CELF2: variants seen among roughly 807,000 people sequenced by gnomAD.
CELF2 encodes CUG triplet repeat RNA-binding protein 2.
A neutral mutation model predicts 62.6 loss-of-function variants in CELF2; 8 were observed. The ratio of observed to expected loss-of-function variants is 0.13; its 90% CI spans 0.07 to 0.23. The LOEUF is 0.23. Ranked by LOEUF, CELF2 falls within the 10% of genes least tolerant of loss-of-function variation. The probability of loss-of-function intolerance (pLI) is 1.00; values close to 1 mark genes in which losing one functional copy is unlikely to be tolerated. For synonymous variants in CELF2, 258 were observed against 250.0 expected, an observed-to-expected ratio of 1.03 and a Z score of -0.30; for missense variants, 333 against 671.0, an observed-to-expected ratio of 0.50 and a Z score of 5.56.
intron 1 of CELF2, chr10:11,018,660 G>T (rs1593232444): frequency 6.5e-6 from 1 of 153,504 alleles, no homozygotes; most frequent in South Asian, 1.9e-4. Context: ...TCCGGGTGAG[G>T]ACTGAGCGGA....
chr10:10,969,635 A>G (rs2050542036), intron 2 of CELF2, among the ~76,000 whole-genome samples: 1 of 151,774 alleles, frequency 6.6e-6, no homozygotes, highest in Non-Finnish European at 1.5e-5. Flanking sequence ...CACACTTATT[A>G]TTCAGGCACT....
chr10:10,668,008 C>A, the CELF2 span, among the ~76,000 whole-genome samples: 2 of 152,294 alleles, frequency 1.3e-5, no homozygotes, highest in South Asian at 4.1e-4. Context: ...CTGTAGTCTT[C>A]TCTACCATTA....
the CELF2 span, among the ~76,000 whole-genome samples, chr10:10,539,031 A>C: frequency 6.6e-6 from 1 of 152,264 alleles, no homozygotes; most frequent in African/African-American, 2.4e-5. Context: ...GGCTGCCCAC[A>C]GAAGAAACAT....
the CELF2 span, among the ~76,000 whole-genome samples, chr10:10,674,430 T>C: frequency 6.6e-6 from 1 of 152,224 alleles, no homozygotes; most frequent in African/African-American, 2.4e-5. Context: ...GTGAGATTCT[T>C]GTAGAAAACA....
chr10:11,154,556 C>T (rs776832056), intron 1 of CELF2, among the ~76,000 whole-genome samples: 8 of 152,164 alleles, frequency 5.3e-5, no homozygotes, highest in South Asian at 2.1e-4. Context: ...GTCAGAGAGG[C>T]GCACGTTTGA....
chr10:11,013,711 C>A (rs148274115), upstream of CELF2, among the ~76,000 whole-genome samples: 1 of 152,092 alleles, frequency 6.6e-6, no homozygotes, highest in African/African-American at 2.4e-5. This position sits in a 1 kb window ranked among gnomAD's most constrained non-coding sequence, Gnocchi z 4.1. Context: ...TTACTTAAAT[C>A]GCCTTAGAAA....
chr10:11,035,581 C>T (rs2060816600), intron 1 of CELF2, among the ~76,000 whole-genome samples: 1 of 152,202 alleles, frequency 6.6e-6, no homozygotes, highest in Non-Finnish European at 1.5e-5. Context: ...GATTTAATGG[C>T]CCTGGGGTGC....
the CELF2 span, among the ~76,000 whole-genome samples, chr10:10,701,766 C>T: frequency 1.3e-5 from 2 of 152,198 alleles, no homozygotes; most frequent in Non-Finnish European, 2.9e-5. Context: ...GGGAGAACCA[C>T]GTCCCATTTT....
At chr10:11,061,546 TGAAAC>T in intron 1 of CELF2, among the ~76,000 whole-genome samples, 1 of 152,234 alleles carries the variant, frequency 6.6e-6, no homozygotes, top group East Asian at 1.9e-4. Context: ...TCAAGGTAAA[TGAAAC>T]AGCCTGCTAT....
rs1331836671 is a variant in CELF2, at chr10:11,243,557, G to C, written c.355-5596G>C. On this transcript the variant is annotated intron_variant, in intron 3 of 12. Coordinates refer to ENST00000633077, the MANE Select transcript of CELF2 (RefSeq NM_001326342.2). The surrounding 1 kb of genome is among the most constrained non-coding windows in gnomAD (Gnocchi z 4.1). Reference sequence around the variant, plus strand: ...ACAAGCATGCTGCGGCCTTGCGTGAGAGGACCAGAGATCTCCTGTCGTCTT... The same window carrying C: ...ACAAGCATGCTGCGGCCTTGCGTGACAGGACCAGAGATCTCCTGTCGTCTT... 2.0e-5 allele frequency among the ~76,000 whole-genome samples: 3 copies of C among 152,220 alleles called. No homozygotes were observed. Among genetic ancestry groups the C allele is most frequent in the Non-Finnish European group, 4.4e-5 (3 of 68,040 alleles).
At chr10:11,307,599 C>T (rs77694559) in intron 9 of CELF2, among the ~76,000 whole-genome samples, 4,206 of 152,208 alleles carry the variant, frequency 0.028, 188 homozygotes, top group African/African-American at 0.096. Context: ...TACAATAACC[C>T]GGTGAATTCA....
the CELF2 span, among the ~76,000 whole-genome samples, chr10:10,502,678 C>A: frequency 6.6e-6 from 1 of 151,750 alleles, no homozygotes; most frequent in African/African-American, 2.4e-5. Flanking sequence ...GTCAGTCTTG[C>A]TAGATGCTTG....
Position 11,207,821 on chromosome 10 carries a change from G to C in CELF2, c.272-9604G>C, listed in dbSNP as rs1029043898. ...ATTGGATACGGTTTCCTTAAAAGTAGATTTCTACAGGATGAGGCGTTCGTA... is the reference window on the plus strand; with the variant it reads ...ATTGGATACGGTTTCCTTAAAAGTACATTTCTACAGGATGAGGCGTTCGTA... On this transcript the variant is annotated intron_variant, in intron 2 of 12. Coordinates refer to ENST00000633077, the MANE Select transcript of CELF2 (RefSeq NM_001326342.2). This position sits in a 1 kb window ranked among gnomAD's most constrained non-coding sequence, Gnocchi z 4.1. 6.6e-6 allele frequency among the ~76,000 whole-genome samples: 1 copy of C among 152,338 alleles called. No homozygotes were observed. The highest frequency in any genetic ancestry group is 2.4e-5 in the African/African-American group (1 of 41,576).
At chr10:10,903,732 G>T (rs796874413) in intron 1 of CELF2, among the ~76,000 whole-genome samples, 21 of 152,296 alleles carry the variant, frequency 1.4e-4, no homozygotes, top group African/African-American at 4.6e-4. Flanking sequence ...ATTTCCTCCT[G>T]GTGGTGAGTG....
intron 1 of CELF2, among the ~76,000 whole-genome samples, chr10:11,126,624 G>A (rs1206451194): frequency 6.6e-6 from 1 of 152,158 alleles, no homozygotes; most frequent in African/African-American, 2.4e-5. Flanking sequence ...GCAGAGCTGT[G>A]TCCAAATCAG....
intron 2 of CELF2, among the ~76,000 whole-genome samples, chr10:11,188,054 T>C (rs576415576): frequency 1.3e-5 from 2 of 152,340 alleles, no homozygotes; most frequent in East Asian, 3.9e-4. Context: ...ACCTTTTGTG[T>C]GTCTTTCACC....
chr10:11,116,978 C>A (rs910453313), intron 1 of CELF2, among the ~76,000 whole-genome samples: 5 of 152,116 alleles, frequency 3.3e-5, no homozygotes, highest in East Asian at 1.9e-4. Flanking sequence ...CTCTTTTTAG[C>A]GATAAGGAAA....
chr10:10,797,994 G>A (rs376775090), upstream of CELF2, among the ~76,000 whole-genome samples: 15 of 152,122 alleles, frequency 9.9e-5, no homozygotes, highest in South Asian at 1.5e-3. Flanking sequence ...GGTGGGGGGC[G>A]AGTAGGGGGT....
At chr10:11,289,879 T>C (rs1326803896) in intron 9 of CELF2, among the ~76,000 whole-genome samples, 1 of 152,160 alleles carries the variant, frequency 6.6e-6, no homozygotes, top group Non-Finnish European at 1.5e-5. Flanking sequence ...TAAAAATAAG[T>C]CATTTTTTTA....
Sources: allele counts gnomAD v4.1 joint callset (sites outside exome capture counted in the v4.1 genomes callset), GRCh38; gene constraint gnomAD v4.1.1; non-coding constraint Gnocchi (gnomAD v3.1); transcripts MANE v1.5; gene names NCBI Gene and HGNC (gene_info 2026-07-23, HGNC 2026-07-21).